DDX10: variants seen among roughly 807,000 people sequenced by gnomAD.
DDX10 encodes the protein DEAD-box helicase 10, also known as probable ATP-dependent RNA helicase DDX10.
DDX10 carries 74 observed loss-of-function variants against 104.3 expected under a neutral mutation model. That is an observed-to-expected ratio of 0.71 (90% confidence interval 0.59 to 0.86). DDX10 has a LOEUF of 0.86. Ranked by LOEUF, DDX10 falls within the 40% of genes least tolerant of loss-of-function variation. The pLI is 0.00. For missense variants in DDX10, 952 were observed against 1,040.0 expected (o/e 0.92, Z 1.16); for synonymous variants, 351 against 353.4 (o/e 0.99, Z 0.08).
rs565537535 is a variant in DDX10 at position 108,764,621 on chromosome 11, A to G, written c.1965+41159A>G. 2.0e-5 allele frequency among the ~76,000 whole-genome samples: 3 copies of G among 152,302 alleles called. No homozygotes were observed. The East Asian group carries it at 5.8e-4, about 29-fold the overall frequency. On this transcript the variant is annotated intron_variant, in intron 13 of 17. Coordinates refer to ENST00000322536, the MANE Select transcript of DDX10 (RefSeq NM_004398.4). ...GAGGCAGAGGCTACAGTGAGCTGAG[A>G]TCGCGCCACTGCACTCCAGCCTGGA...
chr11:108,820,039 A>G (rs1445983120), intron 13 of DDX10, among the ~76,000 whole-genome samples: 1 of 152,226 alleles, frequency 6.6e-6, no homozygotes, highest in African/African-American at 2.4e-5. Context: ...TCAAAGCTCA[A>G]GAAGATAAAT....
At chr11:108,675,112 G>C (rs565014587) in intron 2 of DDX10, among the ~76,000 whole-genome samples, 50 of 151,908 alleles carry the variant, frequency 3.3e-4, no homozygotes, top group Non-Finnish European at 6.8e-4. Flanking sequence ...GTGTGTGTGT[G>C]TGTGTGTGTG....
rs1010271888 is a variant in DDX10, at chr11:108,782,847, C to T, written c.1966-55599C>T. Among the ~76,000 whole-genome samples, 9 of 152,186 alleles carry T rather than the reference C, an allele frequency of 5.9e-5. No homozygotes were observed. The South Asian group carries it at 6.2e-4, about 11-fold the overall frequency. Reference sequence around the variant, plus strand: ...GAGGAAAGTCAGAGAGACCAAATCACGAAAGAGTAGTCAGTGGTATCAAGT... The same window carrying T: ...GAGGAAAGTCAGAGAGACCAAATCATGAAAGAGTAGTCAGTGGTATCAAGT... On this transcript the variant is annotated intron_variant, in intron 13 of 17. Transcript: ENST00000322536.
At chr11:108,792,385 T>C (rs1451845628) in intron 13 of DDX10, among the ~76,000 whole-genome samples, 1 of 152,192 alleles carries the variant, frequency 6.6e-6, no homozygotes, top group Non-Finnish European at 1.5e-5. Context: ...GCTTTCTAAT[T>C]TTTAGCTCTT....
intron 13 of DDX10, among the ~76,000 whole-genome samples, chr11:108,813,183 C>G (rs1362037870): frequency 6.6e-6 from 1 of 152,032 alleles, no homozygotes; most frequent in African/African-American, 2.4e-5. Flanking sequence ...AGTGAAATAA[C>G]TAAGTCAAAG....
intron 16 of DDX10, among the ~76,000 whole-genome samples, chr11:108,871,230 G>A (rs1469274): frequency 0.9 from 137,042 of 152,168 alleles, 62,163 homozygotes; most frequent in East Asian, 0.96. Flanking sequence ...TACCATACAA[G>A]CATGACACTT....
At chr11:108,731,812 G>A (rs74773804) in intron 13 of DDX10, among the ~76,000 whole-genome samples, 3,082 of 152,128 alleles carry the variant, frequency 0.02, 45 homozygotes, top group Non-Finnish European at 0.031. Flanking sequence ...AAGGATAGAC[G>A]AGATATAGAA....
chr11:108,745,045 C>CCTTCCCT (rs2094329681), intron 13 of DDX10, among the ~76,000 whole-genome samples: 1 of 28,356 alleles, frequency 3.5e-5, no homozygotes, highest in Non-Finnish European at 1.2e-4. Context: ...TTTCCTTCCC[C>CCTTCCCT]CTTCCCCCTT....
At chr11:108,687,788 T>C (rs974990203) in intron 6 of DDX10, among the ~76,000 whole-genome samples, 1 of 152,220 alleles carries the variant, frequency 6.6e-6, no homozygotes, top group African/African-American at 2.4e-5. Context: ...TTTAATGAAG[T>C]CCAGCTTATC....
chr11:108,817,199 C>G (rs978858841), intron 13 of DDX10, among the ~76,000 whole-genome samples: 1 of 152,194 alleles, frequency 6.6e-6, no homozygotes, highest in African/African-American at 2.4e-5. Context: ...TTCTTTCTTT[C>G]ATATTCAGGG....
intron 13 of DDX10, among the ~76,000 whole-genome samples, chr11:108,726,008 T>A (rs2094304998): frequency 6.6e-6 from 1 of 152,058 alleles, no homozygotes; most frequent in South Asian, 2.1e-4. Context: ...GGGTATCCAG[T>A]TGATCCAGTA....
intron 12 of DDX10, 37 bp downstream of exon 12, chr11:108,719,922 C>T (rs371872624): frequency 1.6e-6 from 2 of 1,221,360 alleles, no homozygotes; most frequent in Non-Finnish European, 2.4e-6. Flanking sequence ...AGTGAATCCT[C>T]AAGGTTAGAG....
Position 108,838,608 on chromosome 11 carries a change from T to C in DDX10, c.2085+43T>C, listed in dbSNP as rs756389548. The C allele has an allele frequency of 3.8e-6, 6 of 1,567,432 alleles. No individual in the cohort carries two copies. The Admixed American group carries it at 7.5e-5, about 19-fold the overall frequency. Reference sequence around the variant, plus strand: ...TTTCATTTCTGAGGTGCATTTGGAGTATTAGAAGAGATCGACTCTCTCTTA... The same window carrying C: ...TTTCATTTCTGAGGTGCATTTGGAGCATTAGAAGAGATCGACTCTCTCTTA... On this transcript the variant is annotated intron_variant, in intron 14 of 17. Coordinates refer to ENST00000322536, the MANE Select transcript of DDX10 (RefSeq NM_004398.4).
chr11:108,898,277 C>G (rs1029705185), intron 16 of DDX10, among the ~76,000 whole-genome samples: 8 of 152,012 alleles, frequency 5.3e-5, no homozygotes, highest in Non-Finnish European at 1.0e-4. Context: ...CAAAAGCCCG[C>G]TATGGATGGG....
intron 13 of DDX10, among the ~76,000 whole-genome samples, chr11:108,811,681 C>T (rs551681610): frequency 2.0e-5 from 3 of 152,198 alleles, no homozygotes; most frequent in Non-Finnish European, 2.9e-5. Context: ...ATCCAACATG[C>T]TTGCCTTTTC....
intron 16 of DDX10, among the ~76,000 whole-genome samples, chr11:108,861,951 C>T (rs770555101): frequency 3.3e-5 from 5 of 152,064 alleles, no homozygotes; most frequent in African/African-American, 7.2e-5. Context: ...TGCTTGAACT[C>T]GGGAGGCGGA....
chr11:108,777,183 A>C (rs1591815496), intron 13 of DDX10, among the ~76,000 whole-genome samples: 1 of 152,170 alleles, frequency 6.6e-6, no homozygotes. Context: ...GTAGTCCTTC[A>C]AATAGTAGAT....
intron 17 of DDX10, chr11:108,919,707 T>C (rs1326897312): frequency 6.6e-6 from 1 of 152,254 alleles, no homozygotes; most frequent in Non-Finnish European, 1.5e-5. Flanking sequence ...CTTTGAAACC[T>C]TTGGCAGGAT....
chr11:108,690,828 C>T, intron 7 of DDX10: 1 of 194,322 alleles, frequency 5.1e-6, no homozygotes, highest in South Asian at 9.3e-5. Flanking sequence ...TTGTGACTGG[C>T]ATCCACCCCT....
Sources: allele counts gnomAD v4.1 joint callset (sites outside exome capture counted in the v4.1 genomes callset), GRCh38; gene constraint gnomAD v4.1.1; transcripts MANE v1.5; gene names NCBI Gene and HGNC (gene_info 2026-07-23, HGNC 2026-07-21).